Variants in MYO5B observed in about 807,000 individuals in gnomAD.
MYO5B encodes myosin VB.
MYO5B carries 143 observed loss-of-function variants against 229.3 expected under a neutral mutation model. That is an observed-to-expected ratio of 0.62 (90% CI 0.54 to 0.72). The LOEUF (loss-of-function observed/expected upper bound fraction) is 0.72. MYO5B is among the 30% of genes least tolerant of loss of function. The pLI, the probability that MYO5B is intolerant of heterozygous loss-of-function variation, is 0.00. For synonymous variants in MYO5B, 918 were observed against 885.2 expected (o/e 1.04, Z -0.66); for missense variants, 2,321 against 2,331.0 (o/e 1.00, Z 0.09).
intron 1 of MYO5B, among the ~76,000 whole-genome samples, chr18:50,186,325 T>G (rs538453078): frequency 6.6e-6 from 1 of 152,360 alleles, no homozygotes; most frequent in African/African-American, 2.4e-5. Context: ...TTGTCTTTCC[T>G]GCATTGTATG....
chr18:50,051,483 G>A (rs1423683610), intron 2 of MYO5B, among the ~76,000 whole-genome samples: 1 of 152,188 alleles, frequency 6.6e-6, no homozygotes, highest in Non-Finnish European at 1.5e-5. Flanking sequence ...GAAGGCAGGA[G>A]TCAAGCAGTC....
intron 8 of MYO5B, among the ~76,000 whole-genome samples, chr18:49,981,561 T>C (rs763317120): frequency 1.3e-5 from 2 of 152,216 alleles, no homozygotes; most frequent in Non-Finnish European, 2.9e-5. Context: ...GATTTTATTA[T>C]GTAAAATTTC....
chr18:49,849,969 C>A (rs1017641975), intron 31 of MYO5B: 1 of 416,460 alleles, frequency 2.4e-6, no homozygotes, highest in Non-Finnish European at 4.5e-6. Flanking sequence ...GCCATGCCAA[C>A]CCCCCAGGAG....
chr18:49,899,215 C>G (rs918271829), intron 21 of MYO5B, among the ~76,000 whole-genome samples: 2 of 152,080 alleles, frequency 1.3e-5, no homozygotes, highest in African/African-American at 4.8e-5. Flanking sequence ...CCTTGTGTGA[C>G]CAGAGGACCA....
At chr18:49,885,667 T>C (rs2024634333) in intron 22 of MYO5B, among the ~76,000 whole-genome samples, 1 of 152,074 alleles carries the variant, frequency 6.6e-6, no homozygotes. Context: ...GGTGAGTTAA[T>C]AAGGGAGGAG....
At chr18:50,094,463 T>A (rs2031511912) in intron 1 of MYO5B, among the ~76,000 whole-genome samples, 1 of 152,228 alleles carries the variant, frequency 6.6e-6, no homozygotes, top group Non-Finnish European at 1.5e-5. Context: ...GTACTGAGTT[T>A]TTTTTTGTAG....
At chr18:49,978,393 T>C (rs1568056409) in intron 9 of MYO5B, among the ~76,000 whole-genome samples, 1 of 152,148 alleles carries the variant, frequency 6.6e-6, no homozygotes, top group Non-Finnish European at 1.5e-5. Context: ...ACTTACAGGC[T>C]TAAGCCTTAA....
intron 9 of MYO5B, among the ~76,000 whole-genome samples, 181 bp from the exon 10 acceptor site, chr18:49,974,796 CAG>C (rs1555648453): frequency 0.017 from 2,501 of 148,352 alleles, 71 homozygotes; most frequent in African/African-American, 0.06. Context: ...CACACACACA[CAG>C]ACACACACAC....
At chr18:49,988,558 A>G (rs1354512918) in intron 7 of MYO5B, among the ~76,000 whole-genome samples, 2 of 152,198 alleles carry the variant, frequency 1.3e-5, no homozygotes, top group African/African-American at 2.4e-5. Flanking sequence ...TTTCTTCCCC[A>G]TTACCTTAGA....
intron 14 of MYO5B, among the ~76,000 whole-genome samples, chr18:49,948,211 G>A (rs3107224): frequency 1 from 152,389 of 152,390 alleles, 76,194 homozygotes; most frequent in Middle Eastern, 1. Flanking sequence ...GAACAGTTTG[G>A]GTGGTGTCTC....
rs139841344 is a variant in MYO5B at position 49,996,275 on chromosome 18, T to C, written c.613-3844A>G. ...CTGAAGGAAAATCGGGTATATCTAG[T>C]AAAACTGAACATGCATGCACCTAAC... On this transcript the variant is annotated intron_variant, in intron 5 of 39. Coordinates refer to ENST00000285039, the MANE Select transcript of MYO5B (RefSeq NM_001080467.3). Among the ~76,000 whole-genome samples, 32 of 152,306 alleles carry C rather than the reference T, an allele frequency of 2.1e-4. No homozygotes were observed. The East Asian group carries it at 5.8e-3, about 28-fold the overall frequency.
At chr18:49,936,148 C>T (rs1344224897) in intron 16 of MYO5B, 104 bp downstream of exon 16, 2 of 925,896 alleles carry the variant, frequency 2.2e-6, no homozygotes, top group African/African-American at 3.3e-5. Context: ...TCCAGGTGGT[C>T]ATCATGCTGA....
chr18:49,927,138 CTTAG>C (rs1228713674), intron 17 of MYO5B, among the ~76,000 whole-genome samples: 22 of 152,138 alleles, frequency 1.4e-4, no homozygotes, highest in Admixed American at 1.4e-3. Context: ...AAACTGTACA[CTTAG>C]AAGTGGCTAA....
chr18:49,835,795 G>A (rs1383386815), intron 38 of MYO5B, among the ~76,000 whole-genome samples: 1 of 152,170 alleles, frequency 6.6e-6, no homozygotes, highest in Non-Finnish European at 1.5e-5. Flanking sequence ...TACCTTAGAT[G>A]AGAAAGGTCT....
At chr18:50,068,826 A>G (rs1382410831) in intron 1 of MYO5B, among the ~76,000 whole-genome samples, 1 of 152,172 alleles carries the variant, frequency 6.6e-6, no homozygotes, top group Non-Finnish European at 1.5e-5. Context: ...GGTTAACTAA[A>G]TTAAGCTCTC....
intron 1 of MYO5B, among the ~76,000 whole-genome samples, chr18:50,157,156 A>C (rs2032693543): frequency 6.7e-6 from 1 of 149,260 alleles, no homozygotes; most frequent in South Asian, 2.1e-4. Flanking sequence ...CCCAGGCTGG[A>C]GTGCAGTGGC....
intron 1 of MYO5B, among the ~76,000 whole-genome samples, chr18:50,085,616 A>C (rs533644660): frequency 6.6e-6 from 1 of 152,154 alleles, no homozygotes; most frequent in Non-Finnish European, 1.5e-5. Flanking sequence ...ACATGCACAC[A>C]TATGTTTTTT....
At chr18:49,872,289 G>T in intron 26 of MYO5B, 57 bp from the exon 27 acceptor site, 1 of 1,570,822 alleles carries the variant, frequency 6.4e-7, no homozygotes. Flanking sequence ...ATTCCACAGA[G>T]GTGTTTCCAA....
intron 1 of MYO5B, among the ~76,000 whole-genome samples, chr18:50,173,356 C>G (rs2032946402): frequency 1.3e-5 from 2 of 151,420 alleles, no homozygotes; most frequent in Middle Eastern, 3.4e-3. Flanking sequence ...GGCAGGATAG[C>G]AGGGCCCAGA....
Sources: allele counts gnomAD v4.1 joint callset (sites outside exome capture counted in the v4.1 genomes callset), GRCh38; gene constraint gnomAD v4.1.1; transcripts MANE v1.5; gene names NCBI Gene and HGNC (gene_info 2026-07-23, HGNC 2026-07-21).